CTNNA3: variants seen among roughly 807,000 people sequenced by gnomAD.
CTNNA3 encodes catenin alpha-3.
Under a neutral mutation model 95.7 loss-of-function variants are expected in CTNNA3, and 76 were observed. The observed-to-expected ratio is 0.79, with a 90% CI of 0.66 to 0.96. CTNNA3 has a LOEUF of 0.96. CTNNA3 is among the 40% of genes least tolerant of loss of function. CTNNA3 has a pLI of 0.00. For synonymous variants in CTNNA3, 431 were observed against 374.4 expected (o/e 1.15, Z -1.74); for missense variants, 1,191 against 1,089.8 (o/e 1.09, Z -1.31).
At chr10:67,323,392 T>C (rs1841404258) in intron 5 of CTNNA3, among the ~76,000 whole-genome samples, 1 of 152,204 alleles carries the variant, frequency 6.6e-6, no homozygotes, top group Non-Finnish European at 1.5e-5. Flanking sequence ...TTGATTTTTG[T>C]ATACGGTGTA....
intron 12 of CTNNA3, among the ~76,000 whole-genome samples, chr10:66,358,787 A>G (rs2092630920): frequency 6.6e-6 from 1 of 152,208 alleles, no homozygotes; most frequent in Non-Finnish European, 1.5e-5. Context: ...CATCCTTTCC[A>G]GGAAGAACAT....
At chr10:65,968,844 T>C (rs529502955) in intron 16 of CTNNA3, among the ~76,000 whole-genome samples, 3 of 152,290 alleles carry the variant, frequency 2.0e-5, no homozygotes, top group Non-Finnish European at 4.4e-5. Context: ...GCACACCTCT[T>C]GGTGTTTGGT....
chr10:67,391,159 T>C (rs200906322), intron 5 of CTNNA3, among the ~76,000 whole-genome samples: 1 of 151,592 alleles, frequency 6.6e-6, no homozygotes, highest in African/African-American at 2.4e-5. Flanking sequence ...AGAAACCCCA[T>C]TGTCTCAGCC....
intron 1 of CTNNA3, among the ~76,000 whole-genome samples, chr10:67,654,644 C>T (rs1174455618): frequency 1.3e-5 from 2 of 152,150 alleles, no homozygotes; most frequent in South Asian, 2.1e-4. Flanking sequence ...CGCACCACCA[C>T]ACCTGGCTGT....
chr10:66,572,863 C>T (rs1564541607), intron 10 of CTNNA3, among the ~76,000 whole-genome samples: 1 of 152,122 alleles, frequency 6.6e-6, no homozygotes, highest in East Asian at 1.9e-4. Flanking sequence ...CTGCCAAAGA[C>T]GTGTGTGCAA....
chr10:66,637,356 G>C (rs904020944), intron 9 of CTNNA3, among the ~76,000 whole-genome samples: 3 of 152,136 alleles, frequency 2.0e-5, no homozygotes, highest in Admixed American at 2.0e-4. Flanking sequence ...CTGCATTCAA[G>C]GTAGCTCCAT....
chr10:65,978,939 A>G (rs537232549), intron 16 of CTNNA3, among the ~76,000 whole-genome samples: 15 of 152,178 alleles, frequency 9.9e-5, no homozygotes, highest in South Asian at 4.1e-4. Context: ...TTAAAAATAC[A>G]CTGGAACTCT....
At chr10:66,109,944 A>G (rs2082057353) in intron 13 of CTNNA3, among the ~76,000 whole-genome samples, 1 of 151,978 alleles carries the variant, frequency 6.6e-6, no homozygotes, top group South Asian at 2.1e-4. Flanking sequence ...AATTGTATAT[A>G]TTATATATTT....
At chr10:66,445,487 T>G (rs1218710259) in intron 11 of CTNNA3, among the ~76,000 whole-genome samples, 1 of 151,930 alleles carries the variant, frequency 6.6e-6, no homozygotes, top group Non-Finnish European at 1.5e-5. Flanking sequence ...CAAACCACAG[T>G]GCAATCAAAC....
At chr10:66,231,928 A>AC (rs1475015017) in intron 13 of CTNNA3, among the ~76,000 whole-genome samples, 1 of 152,182 alleles carries the variant, frequency 6.6e-6, no homozygotes, top group African/African-American at 2.4e-5. Flanking sequence ...TACTGAATAA[A>AC]CTATCTCAAT....
intron 5 of CTNNA3, among the ~76,000 whole-genome samples, chr10:67,288,115 A>G (rs1020573580): frequency 6.6e-6 from 1 of 152,358 alleles, no homozygotes; most frequent in East Asian, 1.9e-4. Context: ...CAAATAGCTT[A>G]CTATTCTGTA....
intron 9 of CTNNA3, among the ~76,000 whole-genome samples, chr10:66,629,321 G>A (rs190939583): frequency 3.3e-5 from 5 of 152,098 alleles, no homozygotes; most frequent in African/African-American, 9.6e-5. Flanking sequence ...GCTACAGGTC[G>A]CCTGGATAAT....
At chr10:67,427,771 C>T (rs1434190928) in intron 5 of CTNNA3, among the ~76,000 whole-genome samples, 2 of 152,024 alleles carry the variant, frequency 1.3e-5, no homozygotes, top group Non-Finnish European at 2.9e-5. Context: ...TGAGCTTTGA[C>T]ACCACCTGTT....
chr10:65,982,100 C>T (rs939071786), intron 16 of CTNNA3, among the ~76,000 whole-genome samples: 1 of 151,582 alleles, frequency 6.6e-6, no homozygotes, highest in East Asian at 1.9e-4. Context: ...ATCTACACAT[C>T]TGACAAAAGA....
chr10:67,291,449 C>T (rs1682623408), intron 5 of CTNNA3, among the ~76,000 whole-genome samples: 1 of 152,164 alleles, frequency 6.6e-6, no homozygotes, highest in Non-Finnish European at 1.5e-5. Context: ...TCACCCACCT[C>T]TTTACAAAGC....
At chr10:66,777,117 T>C (rs1452495476) in intron 7 of CTNNA3, among the ~76,000 whole-genome samples, 1 of 152,288 alleles carries the variant, frequency 6.6e-6, no homozygotes, top group East Asian at 1.9e-4. Context: ...GGTCAACCTA[T>C]ATTTTCCCAA....
At chr10:66,993,526 C>G in intron 7 of CTNNA3, among the ~76,000 whole-genome samples, 1 of 152,026 alleles carries the variant, frequency 6.6e-6, no homozygotes. Context: ...TTCTTCAACA[C>G]CATTTTGGAC....
chr10:66,952,999 A>T (rs1343683584), intron 7 of CTNNA3, among the ~76,000 whole-genome samples: 13 of 152,050 alleles, frequency 8.5e-5, no homozygotes, highest in Non-Finnish European at 1.8e-4. Flanking sequence ...TGGAGCTATT[A>T]ATATGATTCC....
chr10:67,234,022 T>C (rs1234471827), intron 5 of CTNNA3, among the ~76,000 whole-genome samples: 2 of 152,138 alleles, frequency 1.3e-5, no homozygotes, highest in South Asian at 2.1e-4. Flanking sequence ...CAATAATCAA[T>C]AGCTTACCAA....
Sources: gnomAD v4.1 joint callset for allele counts (sites outside exome capture counted in the v4.1 genomes callset) on GRCh38, gnomAD v4.1.1 for gene constraint, MANE v1.5 for transcripts, NCBI Gene and HGNC (gene_info 2026-07-23, HGNC 2026-07-21) for gene names.